Variants in FAM20C observed in about 807,000 individuals in gnomAD.
The protein encoded by FAM20C is FAM20C golgi associated secretory pathway kinase.
FAM20C carries 40 observed loss-of-function variants against 51.5 expected under a neutral mutation model. The ratio of observed to expected loss-of-function variants is 0.78; its 90% CI spans 0.60 to 1.01. FAM20C has a LOEUF of 1.01. FAM20C is among the 50% of genes least tolerant of loss of function. The pLI is 0.00. For synonymous variants in FAM20C, 406 were observed against 380.6 expected (o/e 1.07, Z -0.78); for missense variants, 861 against 844.7 (o/e 1.02, Z -0.24).
At chr7:236,867 T>G (rs1364825486) in intron 3 of FAM20C, among the ~76,000 whole-genome samples, 1 of 151,746 alleles carries the variant, frequency 6.6e-6, no homozygotes, top group African/African-American at 2.4e-5. Context: ...GAATCTGGGG[T>G]CCCGGTGGCT....
chr7:228,267 G>A, intron 3 of FAM20C: 2 of 348,830 alleles, frequency 5.7e-6, no homozygotes, highest in Admixed American at 3.8e-5. Context: ...GCCCTGGGCA[G>A]GGTCTTGGCT....
In FAM20C at chr7:255,929, G is replaced by A. The variant is rs1024787453; in HGVS notation, c.1153G>A (p.Glu385Lys). ...HALCGKPDQIEGSLAAFLPDL... is the reference protein window; with the variant it reads ...HALCGKPDQIKGSLAAFLPDL... The stretch of plus-strand genomic sequence containing the variant: ...CCTGTGCGGGAAGCCAGACCAGATC[G>A]AGGGCTCGCTGGCGGCCTTCCTGCC... Residue 385 changes from glutamate (E) to lysine (K), a missense_variant, in exon 6 of 10, where the codon GAG becomes AAG. By Grantham distance (56) the Glu-to-Lys change is moderately conservative (BLOSUM62 1). This residue lies in a region of FAM20C where 269 missense variants were observed against 283.8 expected (regional missense o/e 0.95). Transcript: ENST00000313766. The A allele has an allele frequency of 3.9e-6, 6 of 1,536,260 alleles. No homozygotes were observed. The highest frequency in any genetic ancestry group is 5.2e-6 in the Non-Finnish European group (6 of 1,146,854).
intron 3 of FAM20C, among the ~76,000 whole-genome samples, chr7:226,675 C>T (rs1787462296): frequency 6.6e-6 from 1 of 152,186 alleles, no homozygotes; most frequent in South Asian, 2.1e-4. Context: ...CGGGCTGGAG[C>T]CTCTGGCCTC....
At chr7:205,901 GGTTCCTCTGGGTCA>G (rs1436144847) in intron 2 of FAM20C, among the ~76,000 whole-genome samples, 1 of 152,062 alleles carries the variant, frequency 6.6e-6, no homozygotes, top group Non-Finnish European at 1.5e-5. Context: ...CTGAGACCTC[GGTTCCTCTGGGTCA>G]GTTCTTCCCG....
At chr7:215,215 T>G (rs1172062812) in intron 3 of FAM20C, among the ~76,000 whole-genome samples, 1 of 114,600 alleles carries the variant, frequency 8.7e-6, no homozygotes, top group Non-Finnish European at 2.0e-5. Flanking sequence ...CCACAGAGTT[T>G]AGAGGCTCCA....
At position 260,024 on chromosome 7, in the gene FAM20C, C is replaced by T. The variant is rs776468924; in HGVS notation, c.*44C>T. 94 of 1,456,226 alleles carry T rather than the reference C, an allele frequency of 6.5e-5. 1 individual carries two copies. The highest frequency in any genetic ancestry group is 2.3e-4 in the Middle Eastern group (1 of 4,360). The allele number at this position is 1,456,226 out of a possible 1,614,324, so 90.2% of individuals were successfully genotyped here. ...CTGCCCGGGACGGAGACAGAGGCGC[C>T]GGACCTCCCAGCAAGCGCATGCGCC... On this transcript the variant is annotated 3_prime_UTR_variant, in exon 10 of 10. Coordinates refer to ENST00000313766, the MANE Select transcript of FAM20C (RefSeq NM_020223.4).
chr7:227,974 G>A (rs1377389794), intron 3 of FAM20C: 2 of 156,756 alleles, frequency 1.3e-5, no homozygotes, highest in South Asian at 1.9e-4. Context: ...TGTGTCTCAC[G>A]TTGAAGAGCT....
chr7:253,300 GAC>G lies in FAM20C; in HGVS notation c.1073-2545_1073-2544del, dbSNP rs758620412. ...ACGCTCCTCCTGCTGGGTCAGCCCC[GAC>G]ACAGTCAGCGAAAGGAATGGTGGGA... is the stretch of plus-strand genomic sequence containing the variant. On this transcript the variant is annotated intron_variant, in intron 5 of 9. Transcript: ENST00000313766. Among the ~76,000 whole-genome samples, 5 of 152,180 alleles carry G rather than the reference GAC, an allele frequency of 3.3e-5. No individual in the cohort carries two copies. The East Asian group carries it at 5.8e-4, about 18-fold the overall frequency.
chr7:257,452 TCTGCGGCCG>T, intron 8 of FAM20C: 2 of 221,650 alleles, frequency 9.0e-6, no homozygotes, highest in South Asian at 1.8e-4. Context: ...ATAGGCGGCC[TCTGCGGCCG>T]CTGCTGGCCT....
chr7:254,973 C>T (rs1788535329), intron 5 of FAM20C, among the ~76,000 whole-genome samples: 1 of 152,236 alleles, frequency 6.6e-6, no homozygotes, highest in Non-Finnish European at 1.5e-5. Flanking sequence ...CCATGTTCAC[C>T]TGGCGTGTCC....
At chr7:224,197 GT>G (rs1787372235) in intron 3 of FAM20C, among the ~76,000 whole-genome samples, 7 of 132,276 alleles carry the variant, frequency 5.3e-5, no homozygotes, top group Non-Finnish European at 8.3e-5. Flanking sequence ...CCGTCACGGG[GT>G]CGCACGGCGG....
At chr7:226,422 G>T (rs562454019) in intron 3 of FAM20C, among the ~76,000 whole-genome samples, 3 of 152,176 alleles carry the variant, frequency 2.0e-5, no homozygotes, top group Non-Finnish European at 4.4e-5. Flanking sequence ...ACAAGGCCTA[G>T]TCACCCTCAC....
intron 5 of FAM20C, among the ~76,000 whole-genome samples, chr7:249,488 C>G (rs1788311198): frequency 6.6e-6 from 1 of 152,266 alleles, no homozygotes; most frequent in African/African-American, 2.4e-5. Context: ...CGCCTGTAAT[C>G]TCAGCATTTT....
intron 2 of FAM20C, among the ~76,000 whole-genome samples, chr7:202,794 G>A (rs1345912150): frequency 1.3e-5 from 2 of 152,050 alleles, no homozygotes; most frequent in Non-Finnish European, 2.9e-5. Context: ...TGGCTGCTGG[G>A]TGGGATTGCA....
intron 3 of FAM20C, among the ~76,000 whole-genome samples, chr7:241,199 T>C (rs1241113203): frequency 6.6e-6 from 1 of 152,116 alleles, no homozygotes; most frequent in Middle Eastern, 3.2e-3. Flanking sequence ...TCCCTGGGGC[T>C]TTCAGCCCAG....
At chr7:206,766 C>T (rs1786422562) in intron 2 of FAM20C, among the ~76,000 whole-genome samples, 1 of 140,536 alleles carries the variant, frequency 7.1e-6, no homozygotes, top group Non-Finnish European at 1.5e-5. Flanking sequence ...TGTGACGCGT[C>T]TGTCACGGTC....
chr7:202,846 G>A (rs1371424656), intron 2 of FAM20C, among the ~76,000 whole-genome samples: 6 of 152,238 alleles, frequency 3.9e-5, no homozygotes, highest in East Asian at 3.8e-4. Flanking sequence ...TGTGCATAGC[G>A]AGGACGGGTG....
At chr7:259,700 G>C in intron 9 of FAM20C, 31 bp from the exon 10 acceptor site, 1 of 1,518,426 alleles carries the variant, frequency 6.6e-7, no homozygotes, top group Non-Finnish European at 8.8e-7. Context: ...CCCCTGTCCC[G>C]TGCCAGGCCT....
At chr7:194,183 T>C (rs774460633) in intron 1 of FAM20C, 5 of 214,024 alleles carry the variant, frequency 2.3e-5, no homozygotes, top group Admixed American at 5.6e-5. Context: ...GCGAGGGTGC[T>C]CTGGGTGGGC....
Sources: allele counts gnomAD v4.1 joint callset (sites outside exome capture counted in the v4.1 genomes callset), GRCh38; gene constraint gnomAD v4.1.1; regional missense constraint gnomAD v4.1.1; transcripts MANE v1.5; gene names NCBI Gene and HGNC (gene_info 2026-07-23, HGNC 2026-07-21).